Variants in PDE8B observed in about 807,000 individuals in gnomAD.
PDE8B encodes the protein phosphodiesterase 8B, also known as high affinity cAMP-specific and IBMX-insensitive 3',5'-cyclic phosphodiesterase 8B.
A neutral mutation model predicts 101.3 loss-of-function variants in PDE8B; 26 were observed. That is an observed-to-expected ratio of 0.26 (90% confidence interval 0.19 to 0.36). PDE8B has a LOEUF of 0.36. Ranked by LOEUF, PDE8B falls within the 10% of genes least tolerant of loss-of-function variation. The probability of loss-of-function intolerance (pLI) is 1.00; values close to 1 mark genes in which losing one functional copy is unlikely to be tolerated. For missense variants in PDE8B, 810 were observed against 1,163.1 expected (o/e 0.70, Z 4.42); for synonymous variants, 424 against 429.3 (o/e 0.99, Z 0.15).
At chr5:77,275,691 T>G (rs892818976) in intron 1 of PDE8B, among the ~76,000 whole-genome samples, 1 of 152,242 alleles carries the variant, frequency 6.6e-6, no homozygotes, top group Non-Finnish European at 1.5e-5. Context: ...CCACCCACAG[T>G]AAAAGTCGAA....
At chr5:77,166,226 TA>T in the PDE8B span, among the ~76,000 whole-genome samples, 22,149 of 116,322 alleles carry the variant, frequency 0.19, 1,843 homozygotes, top group East Asian at 0.36. Context: ...TCGGTAAAGA[TA>T]AAAAAAAAAA....
intron 1 of PDE8B, among the ~76,000 whole-genome samples, chr5:77,219,982 G>A (rs1042250189): frequency 1.3e-5 from 2 of 152,110 alleles, no homozygotes; most frequent in Non-Finnish European, 2.9e-5. Flanking sequence ...ATGCATGCAC[G>A]TGCACACACC....
the PDE8B span, among the ~76,000 whole-genome samples, chr5:77,128,532 A>G: frequency 1.3e-5 from 2 of 152,212 alleles, no homozygotes; most frequent in African/African-American, 4.8e-5. Context: ...GTGTCAGACA[A>G]GCCTTGGAGC....
the PDE8B span, among the ~76,000 whole-genome samples, chr5:77,204,568 CAG>C: frequency 1.3e-5 from 2 of 152,184 alleles, no homozygotes; most frequent in Admixed American, 1.3e-4. Context: ...GAAGTTGTTT[CAG>C]AGTCTTCCAC....
rs1339649928 is a variant in PDE8B, at chr5:77,408,332, T to G, written c.1366-561T>G. Among the ~76,000 whole-genome samples the G allele has an allele frequency of 4.6e-5, 7 of 152,360 alleles. No individual in the cohort carries two copies. The East Asian group carries it at 9.6e-4, about 21-fold the overall frequency. On this transcript the variant is annotated intron_variant, in intron 13 of 21. Transcript: ENST00000264917. ...GACATGAGATAGAAGTGCTTTCTTT[T>G]GCAGTGTAGAAACCACAGAAGGTGA...
chr5:77,378,009 TACA>T (rs1378946999), intron 10 of PDE8B, among the ~76,000 whole-genome samples: 1 of 134,392 alleles, frequency 7.4e-6, no homozygotes, highest in African/African-American at 3.0e-5. Context: ...CCTCTCTCTC[TACA>T]CACACACACA....
At chr5:77,269,354 C>T (rs1392447230) in intron 1 of PDE8B, among the ~76,000 whole-genome samples, 1 of 152,026 alleles carries the variant, frequency 6.6e-6, no homozygotes, top group Non-Finnish European at 1.5e-5. Flanking sequence ...TGTTTGAGCT[C>T]CTTATATATT....
At chr5:77,331,162 G>C (rs1314921770) in intron 4 of PDE8B, among the ~76,000 whole-genome samples, 1 of 152,244 alleles carries the variant, frequency 6.6e-6, no homozygotes, top group Non-Finnish European at 1.5e-5. Flanking sequence ...CATGTGTACT[G>C]AGGGTGATAC....
intron 10 of PDE8B, among the ~76,000 whole-genome samples, chr5:77,369,228 A>C (rs1447189544): frequency 6.7e-6 from 1 of 148,626 alleles, no homozygotes; most frequent in Non-Finnish European, 1.5e-5. Context: ...AAAAAAAAGA[A>C]GAGATAGACA....
At chr5:77,406,838 T>G (rs1224037801) in intron 12 of PDE8B, among the ~76,000 whole-genome samples, 1 of 152,262 alleles carries the variant, frequency 6.6e-6, no homozygotes, top group African/African-American at 2.4e-5. Context: ...AGATTTGAAC[T>G]AGAACTTCCA....
Position 77,311,999 on chromosome 5 carries a change from G to A in PDE8B, c.345G>A (p.Val115=). 1 of 1,613,108 alleles carries A rather than the reference G, an allele frequency of 6.2e-7. No homozygotes were observed. Among genetic ancestry groups the A allele is most frequent in the South Asian group, 1.1e-5 (1 of 91,052 alleles). The change falls in exon 2 of 22, where the codon GTG becomes GTA. Residue 115 remains valine, a synonymous_variant. Coordinates refer to ENST00000264917, the MANE Select transcript of PDE8B (RefSeq NM_003719.5). ...TTGTGCTGTCCTTTATTTAGCAGGT[G>A]TCTTCTGCGGAGGTGCGCATCGGGC... is the stretch of plus-strand genomic sequence containing the variant. ...TQTCYTSVKQ[V]SSAEVRIGPM...
chr5:77,292,034 T>C (rs563442541), intron 1 of PDE8B, among the ~76,000 whole-genome samples: 5 of 152,198 alleles, frequency 3.3e-5, no homozygotes, highest in African/African-American at 1.2e-4. Flanking sequence ...TTAGCAACAT[T>C]GGCAGCTTTA....
chr5:77,217,547 T>C (rs578075253), intron 1 of PDE8B, among the ~76,000 whole-genome samples: 1 of 152,098 alleles, frequency 6.6e-6, no homozygotes, highest in East Asian at 1.9e-4. Flanking sequence ...CCAATTTTTT[T>C]TTTTTTTGAG....
At chr5:77,121,456 A>G in the PDE8B span, among the ~76,000 whole-genome samples, 1 of 151,824 alleles carries the variant, frequency 6.6e-6, no homozygotes, top group Non-Finnish European at 1.5e-5. Flanking sequence ...TTTATTATTT[A>G]GAAGTGAATC....
chr5:77,117,508 A>G, the PDE8B span, among the ~76,000 whole-genome samples: 1 of 152,182 alleles, frequency 6.6e-6, no homozygotes, highest in Non-Finnish European at 1.5e-5. Flanking sequence ...GCCTGATAGT[A>G]TGGTTCCTGG....
At chr5:77,381,390 G>C (rs1464434797) in intron 10 of PDE8B, among the ~76,000 whole-genome samples, 2 of 152,168 alleles carry the variant, frequency 1.3e-5, no homozygotes, top group African/African-American at 4.8e-5. Context: ...CCCCTGGCTT[G>C]CATACTGATA....
upstream of PDE8B, among the ~76,000 whole-genome samples, chr5:77,209,794 A>C (rs1424980178): frequency 6.6e-6 from 1 of 152,178 alleles, no homozygotes; most frequent in African/African-American, 2.4e-5. Flanking sequence ...GGAAGAGGTG[A>C]AAATGGGGGA....
intron 10 of PDE8B, among the ~76,000 whole-genome samples, chr5:77,377,843 C>T (rs368010206): frequency 2.6e-5 from 4 of 152,166 alleles, no homozygotes; most frequent in South Asian, 2.1e-4. Context: ...CCCCTGACAT[C>T]GGTGCTCCCG....
chr5:77,414,587 ATTTTTTT>A (rs35794220), intron 17 of PDE8B, among the ~76,000 whole-genome samples: 1 of 139,458 alleles, frequency 7.2e-6, no homozygotes, highest in African/African-American at 2.6e-5. Flanking sequence ...TGCCCAGCCG[ATTTTTTT>A]TTTTTTTTTG....
Sources: allele counts gnomAD v4.1 joint callset (sites outside exome capture counted in the v4.1 genomes callset), GRCh38; gene constraint gnomAD v4.1.1; transcripts MANE v1.5; gene names NCBI Gene and HGNC (gene_info 2026-07-23, HGNC 2026-07-21).